The following KAZN variants were observed in gnomAD, a reference collection of about 807,000 sequenced individuals.
The protein encoded by KAZN is kazrin, periplakin interacting protein.
In KAZN, 40 loss-of-function variants were observed where a neutral mutation model predicts 87.4. The ratio of observed to expected loss-of-function variants is 0.46; its 90% CI spans 0.36 to 0.60. The LOEUF (loss-of-function observed/expected upper bound fraction) is 0.60, where lower values mean the gene tolerates loss of function less well. KAZN is among the 20% of genes least tolerant of loss of function. The pLI, the probability that KAZN is intolerant of heterozygous loss-of-function variation, is 0.00. For missense variants in KAZN, 898 were observed against 1,073.9 expected (o/e 0.84, Z 2.29); for synonymous variants, 466 against 458.3 (o/e 1.02, Z -0.22).
chr1:14,672,816 C>T (rs1045823276), intron 1 of KAZN, among the ~76,000 whole-genome samples: 5 of 152,194 alleles, frequency 3.3e-5, no homozygotes, highest in African/African-American at 1.2e-4. Flanking sequence ...CATACACCAA[C>T]AGCCACCTCT....
intron 1 of KAZN, among the ~76,000 whole-genome samples, chr1:14,121,682 G>A (rs568806148): frequency 3.9e-5 from 6 of 152,272 alleles, no homozygotes; most frequent in South Asian, 2.1e-4. Flanking sequence ...GTATGTGTGC[G>A]AAAAGATAGA....
Position 14,089,945 on chromosome 1 carries a change from A to G in KAZN, c.92-90490A>G, listed in dbSNP as rs75628171. ...TAAAGAAATCACTCCATTGTCTTCT[A>G]GCTTACATAGCGTGTGATGAGAAGT... On this transcript the variant is annotated intron_variant, in intron 1 of 16. Transcript: ENST00000636203. Among the ~76,000 whole-genome samples the G allele has an allele frequency of 4.6e-3, 701 of 152,172 alleles. 5 individuals carry two copies. Among genetic ancestry groups the G allele is most frequent in the African/African-American group, 0.016 (671 of 41,546 alleles).
At chr1:15,005,513 C>T (rs1315997685) in intron 2 of KAZN, among the ~76,000 whole-genome samples, 2 of 152,102 alleles carry the variant, frequency 1.3e-5, no homozygotes, top group Non-Finnish European at 2.9e-5. Flanking sequence ...GGGCCGGGTG[C>T]GGTGGCTCAC....
intron 2 of KAZN, among the ~76,000 whole-genome samples, chr1:14,373,667 CAA>C (rs1303462582): frequency 6.6e-6 from 1 of 152,184 alleles, no homozygotes; most frequent in Non-Finnish European, 1.5e-5. Context: ...TTAACCAAAG[CAA>C]AAGTTTGTCT....
chr1:14,303,097 C>G (rs1311216404), intron 2 of KAZN, among the ~76,000 whole-genome samples: 1 of 152,158 alleles, frequency 6.6e-6, no homozygotes, highest in Non-Finnish European at 1.5e-5. Context: ...AGGACCCTAT[C>G]CCTGCTTGGT....
At chr1:14,821,900 G>A (rs888443179) in intron 1 of KAZN, among the ~76,000 whole-genome samples, 21 of 152,198 alleles carry the variant, frequency 1.4e-4, no homozygotes, top group Non-Finnish European at 2.4e-4. Context: ...TCTGCCCTCA[G>A]TAGAGCTCTC....
At chr1:14,700,507 C>T (rs1201401246) in intron 1 of KAZN, among the ~76,000 whole-genome samples, 3 of 151,888 alleles carry the variant, frequency 2.0e-5, no homozygotes, top group East Asian at 3.9e-4. Flanking sequence ...GTGCTCACTG[C>T]TCCAGTTTAT....
rs568713573 is a variant in KAZN at position 14,398,912 on chromosome 1, G to T, written c.250-200071G>T. The stretch of plus-strand genomic sequence containing the variant: ...TCTGTGACTTTCGGATTACTCGGGG[G>T]TTTTCTTTCTGGAAGTGTTGGGGCT... On this transcript the variant is annotated intron_variant, in intron 2 of 16. Coordinates refer to the KAZN transcript ENST00000636203. 5.3e-5 allele frequency among the ~76,000 whole-genome samples: 8 copies of T among 152,220 alleles called. No individual in the cohort carries two copies. The East Asian group carries it at 1.5e-3, about 29-fold the overall frequency.
intron 11 of KAZN, 93 bp from the exon 12 acceptor site, chr1:15,103,266 C>T (rs750595424): frequency 4.3e-5 from 38 of 883,320 alleles, no homozygotes; most frequent in Non-Finnish European, 6.4e-5. Context: ...GACTCTGTCT[C>T]GGGGGGAAAA....
At chr1:14,407,591 A>G (rs2101168509) in intron 2 of KAZN, among the ~76,000 whole-genome samples, 1 of 152,316 alleles carries the variant, frequency 6.6e-6, no homozygotes, top group Admixed American at 6.5e-5. Flanking sequence ...CTCCCTGTCC[A>G]CAACCTGCCT....
rs138052032 is a variant in KAZN at position 14,997,679 on chromosome 1, G to A, written c.418+36804G>A. Among the ~76,000 whole-genome samples the A allele has an allele frequency of 3.9e-3, 596 of 152,156 alleles. 5 individuals are homozygous for A. The highest frequency in any genetic ancestry group is 0.017 in the Middle Eastern group (5 of 294). On this transcript the variant is annotated intron_variant, in intron 2 of 14. Transcript: ENST00000376030. ...CAGTAAATCCATGCGGAAAGCCTGT[G>A]TGGGGAAGTGGACAGCCCCCTGAGG...
At chr1:15,093,565 A>G (rs1353509497) in intron 8 of KAZN, among the ~76,000 whole-genome samples, 1 of 152,114 alleles carries the variant, frequency 6.6e-6, no homozygotes, top group Non-Finnish European at 1.5e-5. Context: ...ATTTTTACAT[A>G]AGGTAACATA....
At position 14,914,585 on chromosome 1, in the gene KAZN, C is replaced by T. The variant is rs143368178; in HGVS notation, c.227-46099C>T. The stretch of plus-strand genomic sequence containing the variant: ...AGGCCTGGCCGGCATCCTTGGACCT[C>T]ACCGCTGACCCAGCAAGAATCTGGA... On this transcript the variant is annotated intron_variant, in intron 1 of 14. Coordinates refer to ENST00000376030, the MANE Select transcript of KAZN (RefSeq NM_201628.3). 4.9e-3 allele frequency among the ~76,000 whole-genome samples: 739 copies of T among 152,314 alleles called. 4 individuals carry two copies. The highest frequency in any genetic ancestry group is 7.6e-3 in the Non-Finnish European group (517 of 68,034).
intron 1 of KAZN, among the ~76,000 whole-genome samples, chr1:14,616,193 A>G (rs999692329): frequency 2.0e-5 from 3 of 152,208 alleles, no homozygotes; most frequent in African/African-American, 7.2e-5. Context: ...CTGAGGCTAT[A>G]CAGCACTTTA....
At chr1:14,910,576 C>T (rs1330906045) in intron 1 of KAZN, among the ~76,000 whole-genome samples, 3 of 152,204 alleles carry the variant, frequency 2.0e-5, no homozygotes, top group Non-Finnish European at 4.4e-5. Context: ...CAAAATTGCC[C>T]TCTGGTTGCA....
chr1:14,631,242 G>A (rs1352742397), intron 1 of KAZN, among the ~76,000 whole-genome samples: 1 of 152,214 alleles, frequency 6.6e-6, no homozygotes, highest in South Asian at 2.1e-4. Flanking sequence ...GGGCGGAGCT[G>A]CCACGGCCAT....
At chr1:13,989,951 T>A (rs1284860588) in intron 1 of KAZN, among the ~76,000 whole-genome samples, 1 of 152,186 alleles carries the variant, frequency 6.6e-6, no homozygotes, top group Non-Finnish European at 1.5e-5. Flanking sequence ...ATCAAAAAGC[T>A]GGCATCATCT....
At chr1:14,080,936 A>G (rs927076808) in intron 1 of KAZN, among the ~76,000 whole-genome samples, 3 of 152,220 alleles carry the variant, frequency 2.0e-5, no homozygotes, top group Admixed American at 2.0e-4. Flanking sequence ...TGTTAAGGCC[A>G]TACTTGTCAC....
chr1:14,440,409 G>A (rs1666632610), intron 2 of KAZN, among the ~76,000 whole-genome samples: 6 of 152,174 alleles, frequency 3.9e-5, no homozygotes, highest in South Asian at 2.1e-4. Flanking sequence ...AGGATCGGGC[G>A]TGTTCTGCTC....
Sources: allele counts gnomAD v4.1 joint callset (sites outside exome capture counted in the v4.1 genomes callset), GRCh38; gene constraint gnomAD v4.1.1; transcripts MANE v1.5; gene names NCBI Gene and HGNC (gene_info 2026-07-23, HGNC 2026-07-21).